C14orf132: variants seen among roughly 807,000 people sequenced by gnomAD.
C14orf132 encodes the protein uncharacterized protein C14orf132.
Under a neutral mutation model 5.8 loss-of-function variants are expected in C14orf132, and 6 were observed. The observed-to-expected ratio is 1.03, with a 90% confidence interval of 0.57 to 2.04. The LOEUF (loss-of-function observed/expected upper bound fraction) is 2.04, where lower values mean the gene tolerates loss of function less well. Ranked by LOEUF, C14orf132 falls within the 30% of genes most tolerant of loss-of-function variation. The probability of loss-of-function intolerance (pLI) is 0.00; values close to 1 mark genes in which losing one functional copy is unlikely to be tolerated. For missense variants in C14orf132, 125 were observed against 115.8 expected (o/e 1.08, Z -0.37); for synonymous variants, 51 against 49.8 (o/e 1.02, Z -0.10).
intron 1 of C14orf132, among the ~76,000 whole-genome samples, chr14:96,045,124 T>G (rs1386817125): frequency 2.6e-5 from 4 of 152,170 alleles, no homozygotes; most frequent in Non-Finnish European, 5.9e-5. Flanking sequence ...ACTGTTCATT[T>G]AGTGTCTTAG....
chr14:96,091,074 C>T lies in C14orf132; in HGVS notation c.*4339C>T, dbSNP rs541728461. ...CAGAGAGATGCACGTTAATTACTGT[C>T]GCATTTTTCTGTGGAGAAAACTGAG... On this transcript the variant is annotated 3_prime_UTR_variant, in exon 2 of 2. Transcript: ENST00000555004. 6.0e-5 allele frequency: 27 copies of T among 451,324 alleles called. No individual in the cohort carries two copies. Among genetic ancestry groups the T allele is most frequent in the South Asian group, 3.5e-4 (22 of 63,696 alleles). The allele number at this position is 451,324 out of a possible 1,614,324, so 28.0% of individuals were successfully genotyped here.
intron 1 of C14orf132, among the ~76,000 whole-genome samples, chr14:96,045,330 G>A (rs368410740): frequency 1.3e-5 from 2 of 152,242 alleles, no homozygotes; most frequent in Non-Finnish European, 2.9e-5. Context: ...TGCAGACATA[G>A]GAGTGTGGGT....
chr14:96,083,101 G>T (rs909061047), intron 1 of C14orf132, among the ~76,000 whole-genome samples: 28 of 152,226 alleles, frequency 1.8e-4, no homozygotes, highest in Non-Finnish European at 7.3e-5. Context: ...TCCCCATGAG[G>T]CCTGTCCCAC....
intron 1 of C14orf132, among the ~76,000 whole-genome samples, chr14:96,072,055 C>A (rs950072586): frequency 2.0e-5 from 3 of 152,296 alleles, no homozygotes; most frequent in East Asian, 1.9e-4. Context: ...CTCAAGAGAT[C>A]CTCCAAGTCG....
chr14:96,055,912 C>G (rs992399067), intron 1 of C14orf132, among the ~76,000 whole-genome samples: 10 of 152,206 alleles, frequency 6.6e-5, no homozygotes, highest in African/African-American at 2.4e-4. Flanking sequence ...AGGCTTGGAG[C>G]AGAGATCTCA....
chr14:96,042,926 A>G (rs1056894769), intron 1 of C14orf132, among the ~76,000 whole-genome samples: 2 of 152,236 alleles, frequency 1.3e-5, no homozygotes, highest in African/African-American at 4.8e-5. Context: ...GGCCAAGAGG[A>G]CAGGGCCACC....
intron 1 of C14orf132, among the ~76,000 whole-genome samples, chr14:96,076,109 G>T (rs1887857336): frequency 6.6e-6 from 1 of 151,954 alleles, no homozygotes; most frequent in Non-Finnish European, 1.5e-5. Flanking sequence ...AGGACTGTGT[G>T]GTTTATCTTT....
At chr14:96,061,344 T>C (rs985011671) in intron 1 of C14orf132, among the ~76,000 whole-genome samples, 5 of 152,208 alleles carry the variant, frequency 3.3e-5, no homozygotes, top group Non-Finnish European at 7.3e-5. Flanking sequence ...ACCTTCTCCC[T>C]GTTGGAGTAG....
chr14:96,084,108 T>C (rs1888109829), intron 1 of C14orf132, among the ~76,000 whole-genome samples: 1 of 152,212 alleles, frequency 6.6e-6, no homozygotes, highest in Non-Finnish European at 1.5e-5. Flanking sequence ...AGACAGGACA[T>C]ATGCCCAGAG....
intron 1 of C14orf132, among the ~76,000 whole-genome samples, chr14:96,053,515 A>C (rs1887090046): frequency 1.3e-5 from 2 of 152,252 alleles, no homozygotes; most frequent in Admixed American, 6.5e-5. Context: ...GAGCCTGGGC[A>C]GACCCCTGGC....
At chr14:96,071,171 T>A (rs139198956) in intron 1 of C14orf132, among the ~76,000 whole-genome samples, 18 of 152,156 alleles carry the variant, frequency 1.2e-4, no homozygotes, top group African/African-American at 4.1e-4. Context: ...GCAAACACGT[T>A]TTTCTTCACA....
chr14:96,050,714 C>T (rs1251816768), intron 1 of C14orf132, among the ~76,000 whole-genome samples: 9 of 151,954 alleles, frequency 5.9e-5, no homozygotes, highest in Admixed American at 5.2e-4. Flanking sequence ...TGCTCCATGG[C>T]CTGGAAACTT....
chr14:96,044,844 C>G (rs1028725685), intron 1 of C14orf132, among the ~76,000 whole-genome samples: 2 of 152,146 alleles, frequency 1.3e-5, no homozygotes, highest in African/African-American at 4.8e-5. Context: ...GGCTTAGGGC[C>G]CACCCTAATG....
chr14:96,053,535 G>T (rs1474418242), intron 1 of C14orf132, among the ~76,000 whole-genome samples: 1 of 152,234 alleles, frequency 6.6e-6, no homozygotes, highest in East Asian at 1.9e-4. Context: ...CCCCCAGAAT[G>T]GGACTCTCCC....
rs1888322287 is a variant in C14orf132, at chr14:96,089,797, TG to T, written c.*3064del. 6.6e-6 allele frequency: 1 copy of T among 152,306 alleles called. No individual in the cohort carries two copies. The highest frequency in any genetic ancestry group is 2.4e-5 in the African/African-American group (1 of 41,426). 9.4% of individuals were successfully genotyped at this position (152,306 alleles called of 1,614,324 possible). On this transcript the variant is annotated 3_prime_UTR_variant, in exon 2 of 2. Coordinates refer to ENST00000555004, the MANE Select transcript of C14orf132 (RefSeq NM_001252507.3). ...GATGCAGGCAGAAGGGGACCCTCCC[TG>T]GCCAACACCCAGGAGCCCAGCAGAA...
intron 1 of C14orf132, among the ~76,000 whole-genome samples, chr14:96,048,300 G>T (rs2139645004): frequency 6.6e-6 from 1 of 152,288 alleles, no homozygotes; most frequent in South Asian, 2.1e-4. Flanking sequence ...CCACGTTATA[G>T]ACAGTATTTT....
intron 1 of C14orf132, among the ~76,000 whole-genome samples, chr14:96,070,505 A>G (rs1887672730): frequency 6.6e-6 from 1 of 152,024 alleles, no homozygotes; most frequent in Admixed American, 6.6e-5. Flanking sequence ...AGGAGGAGAC[A>G]CTTGAAGCAT....
intron 1 of C14orf132, among the ~76,000 whole-genome samples, chr14:96,078,925 G>A (rs1317224415): frequency 1.3e-5 from 2 of 152,254 alleles, no homozygotes; most frequent in Non-Finnish European, 2.9e-5. Context: ...CCTGCTCTGT[G>A]GGGCTTCAGC....
At chr14:96,064,594 A>G (rs1452180103) in intron 1 of C14orf132, among the ~76,000 whole-genome samples, 2 of 151,940 alleles carry the variant, frequency 1.3e-5, no homozygotes, top group African/African-American at 2.4e-5. Flanking sequence ...CAAACATCAT[A>G]TGTTCTCACT....
Sources: allele counts gnomAD v4.1 joint callset (sites outside exome capture counted in the v4.1 genomes callset), GRCh38; gene constraint gnomAD v4.1.1; transcripts MANE v1.5; gene names NCBI Gene and HGNC (gene_info 2026-07-23, HGNC 2026-07-21).